The following POM121 variants were observed in gnomAD, a reference collection of about 807,000 sequenced individuals.
The protein encoded by POM121 is nuclear envelope pore membrane protein POM 121.
A neutral mutation model predicts 81.3 loss-of-function variants in POM121; 32 were observed. The ratio of observed to expected loss-of-function variants is 0.39; its 90% CI spans 0.30 to 0.53. The LOEUF (loss-of-function observed/expected upper bound fraction) is 0.53, where lower values mean the gene tolerates loss of function less well. POM121 is among the 20% of genes least tolerant of loss of function. The probability of loss-of-function intolerance (pLI) is 0.66; values close to 1 mark genes in which losing one functional copy is unlikely to be tolerated. For synonymous variants in POM121, 514 were observed against 694.2 expected (o/e 0.74, Z 4.08); for missense variants, 1,138 against 1,614.6 (o/e 0.70, Z 5.06).
chr7:72,913,662 TCTGTATTG>T (rs1794018869), intron 3 of POM121: 1 of 152,454 alleles, frequency 6.6e-6, no homozygotes, highest in Non-Finnish European at 1.5e-5. Flanking sequence ...TCCTTGCCCC[TCTGTATTG>T]TCATCATACT....
At chr7:72,892,733 T>C (rs1419036910) in intron 3 of POM121, among the ~76,000 whole-genome samples, 6 of 150,532 alleles carry the variant, frequency 4.0e-5, no homozygotes, top group Middle Eastern at 3.2e-3. Context: ...TGGCATGATC[T>C]CGGCTCACTG....
chr7:72,910,003 T>G (rs564013662), intron 3 of POM121, among the ~76,000 whole-genome samples: 14 of 152,318 alleles, frequency 9.2e-5, no homozygotes, highest in African/African-American at 3.4e-4. Flanking sequence ...CTCTCAAAGC[T>G]TTTGCTGTGT....
chr7:72,918,964 A>AT (rs1488121832), intron 4 of POM121, among the ~76,000 whole-genome samples: 1 of 152,022 alleles, frequency 6.6e-6, no homozygotes, highest in East Asian at 1.9e-4. Flanking sequence ...CACCCGGCTA[A>AT]TTTTTTGTAT....
downstream of POM121, chr7:72,949,835 G>A: frequency 7.0e-7 from 1 of 1,429,490 alleles, no homozygotes. Flanking sequence ...TCCTCCTCCT[G>A]TGGCACTCAC....
At chr7:72,931,492 T>G (rs1177349551) in intron 5 of POM121, among the ~76,000 whole-genome samples, 2 of 152,196 alleles carry the variant, frequency 1.3e-5, no homozygotes, top group Non-Finnish European at 2.9e-5. Context: ...ATTTTTTATG[T>G]AATTTATTTG....
Position 72,892,403 on chromosome 7 carries a change from C to T in POM121, c.-216+1293C>T, listed in dbSNP as rs143994284. Among the ~76,000 whole-genome samples, 420 of 152,278 alleles carry T rather than the reference C, an allele frequency of 2.8e-3. 14 individuals carry two copies. In the East Asian group the frequency reaches 0.07, roughly 25 times the overall value. On this transcript the variant is annotated intron_variant, in intron 3 of 15. Coordinates refer to the POM121 transcript ENST00000395270. ...TGAATTCTGTCTACCTTCCTCACCT[C>T]CCAGTATTTGATTGTGCTAGTCTTC...
intron 3 of POM121, among the ~76,000 whole-genome samples, chr7:72,906,679 G>A (rs1459927427): frequency 1.3e-5 from 2 of 152,180 alleles, no homozygotes; most frequent in Non-Finnish European, 2.9e-5. Flanking sequence ...CTGGAGTGCA[G>A]TGGTGCAGTC....
At chr7:72,939,102 A>T (rs1796810454) in intron 6 of POM121, among the ~76,000 whole-genome samples, 1 of 152,204 alleles carries the variant, frequency 6.6e-6, no homozygotes, top group Non-Finnish European at 1.5e-5. Context: ...TAAGGTTTGA[A>T]GATTATTGTT....
chr7:72,902,738 G>A (rs1367841328), intron 3 of POM121, among the ~76,000 whole-genome samples: 1 of 152,006 alleles, frequency 6.6e-6, no homozygotes, highest in African/African-American at 2.4e-5. Flanking sequence ...CCATGTTGCT[G>A]AGGCTGGTCT....
intron 11 of POM121, among the ~76,000 whole-genome samples, chr7:72,944,323 T>C (rs1198694242): frequency 2.6e-5 from 4 of 151,982 alleles, no homozygotes; most frequent in Admixed American, 2.6e-4. Flanking sequence ...GTTCCTCCCA[T>C]GTGGAAGATG....
chr7:72,905,708 G>C (rs1381570406), intron 3 of POM121, among the ~76,000 whole-genome samples: 3 of 152,072 alleles, frequency 2.0e-5, no homozygotes, highest in African/African-American at 7.2e-5. Flanking sequence ...TCAAAAAAAA[G>C]ATTTATTTTA....
upstream of POM121, among the ~76,000 whole-genome samples, chr7:72,922,573 C>CA (rs1343250121): frequency 6.7e-6 from 1 of 149,538 alleles, no homozygotes; most frequent in Non-Finnish European, 1.5e-5. Context: ...TTTTTTTTAT[C>CA]AGAGACTGGG....
chr7:72,937,739 G>A (rs1183484081), intron 5 of POM121, among the ~76,000 whole-genome samples: 31 of 152,272 alleles, frequency 2.0e-4, no homozygotes, highest in Non-Finnish European at 3.5e-4. Context: ...GAGACTATTT[G>A]CAGTGTCCGC....
intron 4 of POM121, among the ~76,000 whole-genome samples, chr7:72,918,696 G>A (rs1350971138): frequency 1.3e-5 from 2 of 151,996 alleles, no homozygotes; most frequent in Non-Finnish European, 2.9e-5. Context: ...CACCAGCAGG[G>A]CTGACTTCTT....
chr7:72,932,654 C>T (rs1414949400), intron 5 of POM121, among the ~76,000 whole-genome samples: 1 of 152,218 alleles, frequency 6.6e-6, no homozygotes, highest in Non-Finnish European at 1.5e-5. Context: ...GCATGCACCA[C>T]TCAGCATTCC....
chr7:72,914,973 TTACAGGTGG>T (rs2129576631), intron 4 of POM121, among the ~76,000 whole-genome samples: 1 of 152,286 alleles, frequency 6.6e-6, no homozygotes, highest in South Asian at 2.1e-4. Flanking sequence ...CATTTTTTAC[TTACAGGTGG>T]TACCTGTATT....
intron 3 of POM121, among the ~76,000 whole-genome samples, chr7:72,901,440 C>T (rs1203313593): frequency 2.0e-5 from 3 of 150,654 alleles, no homozygotes; most frequent in African/African-American, 7.3e-5. Flanking sequence ...CTGCAACCTC[C>T]ACCTCCTGGG....
chr7:72,882,849 A>G (rs1207770867), intron 1 of POM121, among the ~76,000 whole-genome samples: 1 of 152,182 alleles, frequency 6.6e-6, no homozygotes, highest in Non-Finnish European at 1.5e-5. Flanking sequence ...AAAGGTGACC[A>G]GTGATTTAAT....
intron 5 of POM121, among the ~76,000 whole-genome samples, chr7:72,935,240 A>G (rs1352672504): frequency 6.6e-6 from 1 of 152,022 alleles, no homozygotes; most frequent in Non-Finnish European, 1.5e-5. Flanking sequence ...TGACATGATC[A>G]TAGCTCACTA....
Sources: gnomAD v4.1 joint callset for allele counts (sites outside exome capture counted in the v4.1 genomes callset) on GRCh38, gnomAD v4.1.1 for gene constraint, MANE v1.5 for transcripts, NCBI Gene and HGNC (gene_info 2026-07-23, HGNC 2026-07-21) for gene names.